Variants in FAM124A observed in about 807,000 individuals in gnomAD.
FAM124A encodes protein FAM124A.
In FAM124A, 23 loss-of-function variants were observed where a neutral mutation model predicts 24.5. That is an observed-to-expected ratio of 0.94 (90% CI 0.68 to 1.33). FAM124A has a LOEUF of 1.33. FAM124A is among the 40% of genes most tolerant of loss of function. FAM124A has a pLI of 0.00. For synonymous variants in FAM124A, 287 were observed against 314.7 expected (o/e 0.91, Z 0.93); for missense variants, 623 against 722.8 (o/e 0.86, Z 1.58).
intron 3 of FAM124A, among the ~76,000 whole-genome samples, chr13:51,261,702 G>A (rs982208787): frequency 4.6e-5 from 7 of 152,152 alleles, no homozygotes; most frequent in South Asian, 2.1e-4. Flanking sequence ...TCAGGGTTCC[G>A]TTTCCTAAGG....
chr13:51,244,950 A>AGTGAG (rs1566165099), intron 2 of FAM124A, among the ~76,000 whole-genome samples: 2 of 152,238 alleles, frequency 1.3e-5, no homozygotes, highest in African/African-American at 4.8e-5. Flanking sequence ...CGATGATTCC[A>AGTGAG]AGTGAAGTGG....
At chr13:51,225,976 C>CTTTTTTTTTTTTTTTT (rs780570797) in intron 1 of FAM124A, among the ~76,000 whole-genome samples, 4 of 67,566 alleles carry the variant, frequency 5.9e-5, no homozygotes, top group African/African-American at 3.0e-4. Flanking sequence ...TGCTTGCTTT[C>CTTTTTTTTTTTTTTTT]TTTTTTTTTT....
chr13:51,240,228 C>T (rs73490161), intron 2 of FAM124A, among the ~76,000 whole-genome samples: 5,401 of 152,288 alleles, frequency 0.035, 291 homozygotes, highest in African/African-American at 0.11. Context: ...CATCATTCTT[C>T]CTTCTTTCTA....
chr13:51,245,956 A>T (rs1158918933), intron 2 of FAM124A, among the ~76,000 whole-genome samples: 1 of 152,238 alleles, frequency 6.6e-6, no homozygotes, highest in Non-Finnish European at 1.5e-5. Context: ...GGCTAATAGT[A>T]CACTTTCTGC....
intron 2 of FAM124A, among the ~76,000 whole-genome samples, chr13:51,249,790 T>C (rs967746751): frequency 2.0e-5 from 3 of 152,248 alleles, no homozygotes; most frequent in African/African-American, 7.2e-5. Context: ...TTGATGTTTG[T>C]GTTTCCCCAC....
intron 1 of FAM124A, among the ~76,000 whole-genome samples, chr13:51,225,870 A>C (rs1954310022): frequency 6.6e-6 from 1 of 151,710 alleles, no homozygotes; most frequent in Admixed American, 6.6e-5. Flanking sequence ...AGATTTCTTA[A>C]ATATAGGTGC....
chr13:51,225,976 CT>C (rs780570797), intron 1 of FAM124A, among the ~76,000 whole-genome samples: 521 of 67,510 alleles, frequency 7.7e-3, no homozygotes, highest in African/African-American at 0.023. Context: ...TGCTTGCTTT[CT>C]TTTTTTTTTT....
intron 1 of FAM124A, among the ~76,000 whole-genome samples, chr13:51,229,516 T>G (rs1954351903): frequency 6.6e-6 from 1 of 152,234 alleles, no homozygotes; most frequent in Non-Finnish European, 1.5e-5. Context: ...CATATCCATC[T>G]GTATGCAGAT....
rs1954625173 is a variant in FAM124A, at chr13:51,251,746, C to A, written c.379C>A (p.Pro127Thr). The change falls in exon 3 of 4, where the codon CCC becomes ACC. Residue 127 changes from proline (P) to threonine (T), a missense_variant. Physicochemically the swap from Pro to Thr is conservative, Grantham distance 38. Transcript: ENST00000322475. The surrounding 1 kb of genome is among the most constrained non-coding windows in gnomAD (Gnocchi z 5.3). ...GCTGCACCGCACACTGCAGCAGCCGCCCTGGCGCCACCACCACACCGAGCA... is the reference window on the plus strand; with the variant it reads ...GCTGCACCGCACACTGCAGCAGCCGACCTGGCGCCACCACCACACCGAGCA... ...LQLHRTLQQP[P>T]WRHHHTEQVH... The A allele has an allele frequency of 6.3e-7, 1 of 1,585,018 alleles. No individual in the cohort carries two copies. Among genetic ancestry groups the A allele is most frequent in the Non-Finnish European group, 8.6e-7 (1 of 1,167,188 alleles).
chr13:51,251,993 C>T lies in FAM124A; in HGVS notation c.626C>T (p.Pro209Leu), dbSNP rs1378084091. 1.2e-6 allele frequency: 2 copies of T among 1,614,254 alleles called. No individual in the cohort carries two copies. The highest frequency in any genetic ancestry group is 3.3e-5 in the Admixed American group (2 of 60,038). Residue 209 changes from proline (P) to leucine (L), a missense_variant, in exon 3 of 4, where the codon CCT becomes CTT. Physicochemically the swap from Pro to Leu is moderately conservative, Grantham distance 98. Transcript: ENST00000322475. This position sits in a 1 kb window ranked among gnomAD's most constrained non-coding sequence, Gnocchi z 5.3. ...AAGAAAGCGGACTTCTGCATCTTCC[C>T]TATTTTTTCCAACCTGGATGTGGAC... ...SQKKADFCIF[P>L]IFSNLDVDIQ...
In FAM124A at chr13:51,257,256, C is replaced by G. The variant is rs114007301; in HGVS notation, c.834+5055C>G. On this transcript the variant is annotated intron_variant, in intron 3 of 3. Coordinates refer to ENST00000322475, the MANE Select transcript of FAM124A (RefSeq NM_001242312.2). Reference sequence around the variant, plus strand: ...TGTGTAATTTTTTGAGGAAAGGAACCACCACACTGTTCTCCATAGCAGCTG... The same window carrying G: ...TGTGTAATTTTTTGAGGAAAGGAACGACCACACTGTTCTCCATAGCAGCTG... 4.0e-3 allele frequency among the ~76,000 whole-genome samples: 603 copies of G among 152,276 alleles called. 2 individuals carry two copies. The highest frequency in any genetic ancestry group is 0.014 in the African/African-American group (574 of 41,546).
At chr13:51,257,873 AC>A (rs1954691495) in intron 3 of FAM124A, among the ~76,000 whole-genome samples, 1 of 152,018 alleles carries the variant, frequency 6.6e-6, no homozygotes, top group Non-Finnish European at 1.5e-5. Context: ...CTTCTCACAC[AC>A]TTAATCACTT....
chr13:51,223,619 A>C (rs549378603), intron 1 of FAM124A, among the ~76,000 whole-genome samples: 1 of 152,174 alleles, frequency 6.6e-6, no homozygotes, highest in East Asian at 1.9e-4. Context: ...AAAGCTCCCC[A>C]CAGGGCCCCT....
At chr13:51,253,438 G>T (rs1954645914) in intron 3 of FAM124A, 1 of 152,196 alleles carries the variant, frequency 6.6e-6, no homozygotes. Context: ...AAGGAACTAA[G>T]TAATGTTTTA....
At position 51,281,267 on chromosome 13, in the gene FAM124A, CTCTTGT is replaced by C. The variant is rs777360043; in HGVS notation, c.*15_*20del. ...GAATTCTACATCTGAATGCCCTCTGCTCTTGTTCTCGAAACACACAAACTCAGAGAC... is the reference window on the plus strand; with the variant it reads ...GAATTCTACATCTGAATGCCCTCTGCTCTCGAAACACACAAACTCAGAGAC... On this transcript the variant is annotated 3_prime_UTR_variant, in exon 4 of 4. Transcript: ENST00000322475. 13 of 1,537,678 alleles carry C rather than the reference CTCTTGT, an allele frequency of 8.5e-6. No homozygotes were observed. Among genetic ancestry groups the C allele is most frequent in the Non-Finnish European group, 1.1e-5 (13 of 1,147,340 alleles).
In FAM124A at chr13:51,258,915, G is replaced by A. The variant is rs1465482970; in HGVS notation, c.834+6714G>A. ...GAAGAACCTATGCCTGAGCAGAGCT[G>A]GGGCAGATGCTGTTCCGGGGGCACT... On this transcript the variant is annotated intron_variant, in intron 3 of 3. Coordinates refer to ENST00000322475, the MANE Select transcript of FAM124A (RefSeq NM_001242312.2). The surrounding 1 kb of genome is among the most constrained non-coding windows in gnomAD (Gnocchi z 4.2). Among the ~76,000 whole-genome samples, 2 of 152,212 alleles carry A rather than the reference G, an allele frequency of 1.3e-5. No homozygotes were observed. The highest frequency in any genetic ancestry group is 2.9e-5 in the Non-Finnish European group (2 of 68,030).
In FAM124A at chr13:51,278,024, T is replaced by A. The variant is rs1954900397; in HGVS notation, c.835-2426T>A. Among the ~76,000 whole-genome samples, 4 of 152,216 alleles carry A rather than the reference T, an allele frequency of 2.6e-5. 1 individual carries two copies. Among genetic ancestry groups the A allele is most frequent in the Admixed American group, 2.6e-4 (4 of 15,278 alleles). On this transcript the variant is annotated intron_variant, in intron 3 of 3. Transcript: ENST00000322475. ...CCCGGGCTGGTTGCCTTAAGCACATTAATTTATGTGATGCTATTCTGTTCC... is the reference window on the plus strand; with the variant it reads ...CCCGGGCTGGTTGCCTTAAGCACATAAATTTATGTGATGCTATTCTGTTCC...
At chr13:51,261,013 A>T (rs9591400) in intron 3 of FAM124A, among the ~76,000 whole-genome samples, 25,993 of 152,230 alleles carry the variant, frequency 0.17, 2,944 homozygotes, top group African/African-American at 0.32. Flanking sequence ...GTTTAAATTA[A>T]TAACAGGCTC....
intron 2 of FAM124A, among the ~76,000 whole-genome samples, chr13:51,233,594 T>TCAGCAC (rs1200454867): frequency 2.6e-5 from 4 of 152,146 alleles, no homozygotes; most frequent in East Asian, 1.9e-4. Context: ...TGTCCCTGCG[T>TCAGCAC]CAGCACCAGC....
Sources: allele counts gnomAD v4.1 joint callset (sites outside exome capture counted in the v4.1 genomes callset), GRCh38; gene constraint gnomAD v4.1.1; non-coding constraint Gnocchi (gnomAD v3.1); transcripts MANE v1.5; gene names NCBI Gene and HGNC (gene_info 2026-07-23, HGNC 2026-07-21).